SH3BP4: variants seen among roughly 807,000 people sequenced by gnomAD.
The protein encoded by SH3BP4 is SH3 domain-binding protein 4.
In SH3BP4, 33 loss-of-function variants were observed where a neutral mutation model predicts 65.5. That is an observed-to-expected ratio of 0.50 (90% confidence interval 0.38 to 0.67). The LOEUF (loss-of-function observed/expected upper bound fraction) is 0.67, where lower values mean the gene tolerates loss of function less well. Among genes scored for constraint, SH3BP4 ranks in the 30% least tolerant of loss-of-function variants. SH3BP4 has a pLI of 0.00. For synonymous variants in SH3BP4, 552 were observed against 545.5 expected (o/e 1.01, Z -0.17); for missense variants, 1,134 against 1,261.4 (o/e 0.90, Z 1.53).
In SH3BP4 at chr2:235,042,994, A is replaced by G. The variant is rs756078655; in HGVS notation, c.2225A>G (p.Glu742Gly). Reference protein sequence around the residue: ...GPELSTSVLLEQILRPCKFLT... With the variant: ...GPELSTSVLLGQILRPCKFLT... ...GAGCTGAGCACCTCGGTGCTGCTGG[A>G]GCAGATCCTGCGGCCCTGCAAATTC... Residue 742 changes from glutamate (E) to glycine (G), a missense_variant, in exon 4 of 6, where the codon GAG becomes GGG. Glu to Gly is a moderately conservative substitution (Grantham distance 98, BLOSUM62 -2). Transcript: ENST00000392011. The surrounding 1 kb of genome is among the most constrained non-coding windows in gnomAD (Gnocchi z 7.3). The G allele has an allele frequency of 1.9e-6, 3 of 1,610,980 alleles. No homozygotes were observed. In the South Asian group the frequency reaches 3.3e-5, roughly 18 times the overall value.
At chr2:234,989,379 G>C (rs543288282) in intron 1 of SH3BP4, among the ~76,000 whole-genome samples, 2 of 152,120 alleles carry the variant, frequency 1.3e-5, no homozygotes, top group African/African-American at 4.8e-5. Context: ...CCACACCTAC[G>C]TCTGCTTTTC....
intron 4 of SH3BP4, among the ~76,000 whole-genome samples, chr2:235,044,277 A>C (rs1037859992): frequency 3.3e-5 from 5 of 152,270 alleles, no homozygotes; most frequent in African/African-American, 1.2e-4. Flanking sequence ...GGAAGTAAGC[A>C]TCAGACTGTG....
chr2:234,968,704 T>C (rs1385456071), intron 1 of SH3BP4, among the ~76,000 whole-genome samples: 1 of 151,790 alleles, frequency 6.6e-6, no homozygotes, highest in Non-Finnish European at 1.5e-5. Flanking sequence ...GGCTGCTGCC[T>C]TGCCCCTTCC....
intron 2 of SH3BP4, among the ~76,000 whole-genome samples, chr2:235,017,588 C>T (rs1432981742): frequency 1.3e-5 from 2 of 152,140 alleles, no homozygotes; most frequent in African/African-American, 2.4e-5. Context: ...GGCTTCCCAT[C>T]TGTCTTCTCA....
In SH3BP4 at chr2:235,052,443, G is replaced by A; in HGVS notation, c.2479-119G>A. The A allele has an allele frequency of 5.5e-6, 4 of 726,850 alleles. No individual in the cohort carries two copies. The highest frequency in any genetic ancestry group is 8.7e-6 in the Non-Finnish European group (4 of 462,112). 45.0% of individuals were successfully genotyped at this position (726,850 alleles called of 1,614,324 possible). A position where few individuals can be genotyped will look rare whatever the true frequency, so the allele number is the denominator to read the frequency against. On this transcript the variant is annotated intron_variant, in intron 4 of 5. Transcript: ENST00000392011. This position sits in a 1 kb window ranked among gnomAD's most constrained non-coding sequence, Gnocchi z 5.0. ...TCAGGGGACATTTGGTAGTAGGCCA[G>A]GGAACATGGAGAATAGAGAGCCCAT... is the stretch of plus-strand genomic sequence containing the variant.
chr2:235,025,780 C>G (rs986551825), intron 2 of SH3BP4, among the ~76,000 whole-genome samples: 1 of 152,244 alleles, frequency 6.6e-6, no homozygotes, highest in Non-Finnish European at 1.5e-5. Context: ...AAGAGGTGGA[C>G]TTCCATTTGC....
In SH3BP4 at chr2:234,991,726, A is replaced by G. The variant is rs1014295973; in HGVS notation, c.-206-3577A>G. On this transcript the variant is annotated intron_variant, in intron 1 of 5. Coordinates refer to ENST00000392011, the MANE Select transcript of SH3BP4 (RefSeq NM_014521.3). This position sits in a 1 kb window ranked among gnomAD's most constrained non-coding sequence, Gnocchi z 4.2. The stretch of plus-strand genomic sequence containing the variant: ...TTGTCCAGAGGCCTTGGGCCTCTGG[A>G]GAGGTTGATCAGGAGTTGGGGAAGT... Among the ~76,000 whole-genome samples, 1 of 152,128 alleles carries G rather than the reference A, an allele frequency of 6.6e-6. No homozygotes were observed. The highest frequency in any genetic ancestry group is 2.4e-5 in the African/African-American group (1 of 41,432).
intron 1 of SH3BP4, among the ~76,000 whole-genome samples, chr2:234,966,861 T>C (rs1273544313): frequency 6.6e-6 from 1 of 152,236 alleles, no homozygotes; most frequent in Non-Finnish European, 1.5e-5. Context: ...AAAAAAGCTT[T>C]GCTTAATTAA....
intron 1 of SH3BP4, among the ~76,000 whole-genome samples, chr2:234,982,876 A>G (rs1454658777): frequency 6.8e-3 from 1 of 148 alleles, no homozygotes; most frequent in Non-Finnish European, 0.013. Flanking sequence ...AAGAGGCAGG[A>G]AGGAGCAGGC....
intron 2 of SH3BP4, among the ~76,000 whole-genome samples, chr2:235,024,298 G>A (rs1451532966): frequency 6.6e-6 from 1 of 152,226 alleles, no homozygotes; most frequent in African/African-American, 2.4e-5. Flanking sequence ...CGCCCTGAGG[G>A]CCCATCCACA....
chr2:234,987,347 C>T (rs1693593959), intron 1 of SH3BP4, among the ~76,000 whole-genome samples: 1 of 151,490 alleles, frequency 6.6e-6, no homozygotes, highest in Admixed American at 6.6e-5. Flanking sequence ...AAGACAGGGT[C>T]CCTGCCCTCA....
At chr2:234,988,268 C>A (rs555693923) in intron 1 of SH3BP4, among the ~76,000 whole-genome samples, 1 of 152,200 alleles carries the variant, frequency 6.6e-6, no homozygotes, top group Non-Finnish European at 1.5e-5. Flanking sequence ...ACCGTGTTAG[C>A]CAGGATAGTC....
chr2:235,041,795 C>T lies in SH3BP4; in HGVS notation c.1026C>T (p.Pro342=), dbSNP rs1235314406. ...ACACCAGCATCAGCATCCACGTGCC[C>T]GAGGGCCACGTCGCCCCTGGGGAGA... ...LPDTSISIHV[P]EGHVAPGETQ... The change falls in exon 4 of 6, where the codon CCC becomes CCT. Residue 342 remains proline, a synonymous_variant. Coordinates refer to ENST00000392011, the MANE Select transcript of SH3BP4 (RefSeq NM_014521.3). This position sits in a 1 kb window ranked among gnomAD's most constrained non-coding sequence, Gnocchi z 6.0. 8 of 1,594,360 alleles carry T rather than the reference C, an allele frequency of 5.0e-6. No individual in the cohort carries two copies. The highest frequency in any genetic ancestry group is 4.0e-5 in the African/African-American group (3 of 74,386).
At chr2:234,996,421 A>G (rs1269110346) in intron 2 of SH3BP4, among the ~76,000 whole-genome samples, 1 of 152,120 alleles carries the variant, frequency 6.6e-6, no homozygotes, top group Admixed American at 6.6e-5. Flanking sequence ...CCTGTGCCTT[A>G]GGATGGAGAG....
intron 2 of SH3BP4, among the ~76,000 whole-genome samples, chr2:235,008,327 G>A (rs1396477108): frequency 1.3e-5 from 2 of 152,184 alleles, no homozygotes; most frequent in African/African-American, 2.4e-5. Context: ...CTCTGTGGTC[G>A]CCTGGCATGA....
At chr2:235,005,092 C>T (rs1026152858) in intron 2 of SH3BP4, among the ~76,000 whole-genome samples, 3 of 152,186 alleles carry the variant, frequency 2.0e-5, no homozygotes, top group Non-Finnish European at 4.4e-5. Flanking sequence ...CACAGGACTG[C>T]GAGGAAGCAC....
chr2:234,989,896 C>T (rs1397632003), intron 1 of SH3BP4, among the ~76,000 whole-genome samples: 1 of 152,152 alleles, frequency 6.6e-6, no homozygotes, highest in Non-Finnish European at 1.5e-5. Context: ...ACCCCTCATC[C>T]AAAAATTTGA....
chr2:235,013,909 AATG>A (rs1243456343), intron 2 of SH3BP4, among the ~76,000 whole-genome samples: 3 of 152,168 alleles, frequency 2.0e-5, no homozygotes, highest in East Asian at 1.9e-4. Context: ...TATAAAACAG[AATG>A]ATAATATTAA....
rs967278384 is a variant in SH3BP4 at position 235,030,132 on chromosome 2, C to T, written c.-132-4739C>T. Among the ~76,000 whole-genome samples, 14 of 152,034 alleles carry T rather than the reference C, an allele frequency of 9.2e-5. No individual in the cohort carries two copies. The highest frequency in any genetic ancestry group is 4.2e-4 in the South Asian group (2 of 4,816). ...GAGAGCAGACTGATTTTTTTAAAAG[C>T]GGTGAGCACTGTCCAGAAGTGTTGT... On this transcript the variant is annotated intron_variant, in intron 2 of 5. Coordinates refer to ENST00000392011, the MANE Select transcript of SH3BP4 (RefSeq NM_014521.3). The surrounding 1 kb of genome is among the most constrained non-coding windows in gnomAD (Gnocchi z 4.1).
Sources: allele counts gnomAD v4.1 joint callset (sites outside exome capture counted in the v4.1 genomes callset), GRCh38; gene constraint gnomAD v4.1.1; non-coding constraint Gnocchi (gnomAD v3.1); transcripts MANE v1.5; gene names NCBI Gene and HGNC (gene_info 2026-07-23, HGNC 2026-07-21).